APP: variants seen among roughly 807,000 people sequenced by gnomAD.
The protein encoded by APP is amyloid-beta precursor protein.
A neutral mutation model predicts 101.4 loss-of-function variants in APP; 31 were observed. That is an observed-to-expected ratio of 0.31 (90% CI 0.23 to 0.41). The LOEUF (loss-of-function observed/expected upper bound fraction) is 0.41, where lower values mean the gene tolerates loss of function less well. Among genes scored for constraint, APP ranks in the 10% least tolerant of loss-of-function variants. APP has a pLI of 1.00. For synonymous variants in APP, 366 were observed against 364.4 expected (o/e 1.00, Z -0.05); for missense variants, 839 against 1,003.7 (o/e 0.84, Z 2.22).
chr21:26,000,830 C>T (rs1024196427), intron 6 of APP, among the ~76,000 whole-genome samples: 17 of 151,158 alleles, frequency 1.1e-4, no homozygotes, highest in African/African-American at 3.6e-4. Flanking sequence ...TGATTTAAGA[C>T]CATTTTATTT....
intron 8 of APP, among the ~76,000 whole-genome samples, chr21:25,985,617 T>C (rs915186890): frequency 1.3e-5 from 2 of 152,116 alleles, no homozygotes; most frequent in African/African-American, 4.8e-5. Context: ...CAACAGATTG[T>C]GGGACTTAGC....
intron 13 of APP, among the ~76,000 whole-genome samples, chr21:25,949,759 A>AGGTG (rs2040982947): frequency 6.6e-6 from 1 of 152,168 alleles, no homozygotes; most frequent in African/African-American, 2.4e-5. Flanking sequence ...ATGGTATTGG[A>AGGTG]GGTGGATACC....
chr21:25,971,005 G>A (rs535942962), intron 11 of APP, among the ~76,000 whole-genome samples: 4 of 152,114 alleles, frequency 2.6e-5, no homozygotes, highest in South Asian at 2.1e-4. Flanking sequence ...TTACCCTCCT[G>A]CCTGAACCAC....
chr21:26,169,779 TCAGA>T (rs1041589600), intron 1 of APP, among the ~76,000 whole-genome samples: 1 of 152,212 alleles, frequency 6.6e-6, no homozygotes, highest in African/African-American at 2.4e-5. Flanking sequence ...CTTCTGCCTC[TCAGA>T]CAGAGCTTAG....
intron 13 of APP, among the ~76,000 whole-genome samples, chr21:25,945,335 T>C (rs2040761533): frequency 6.7e-6 from 1 of 150,094 alleles, no homozygotes; most frequent in East Asian, 1.9e-4. Flanking sequence ...TAACATTATA[T>C]ATAAATATTC....
chr21:26,103,808 T>A (rs796198990), intron 2 of APP, among the ~76,000 whole-genome samples: 4 of 152,324 alleles, frequency 2.6e-5, no homozygotes, highest in African/African-American at 9.6e-5. Flanking sequence ...CAGAGCTAAG[T>A]GTTGGATAAA....
chr21:26,010,241 A>G (rs2043733727), intron 6 of APP, among the ~76,000 whole-genome samples: 1 of 151,928 alleles, frequency 6.6e-6, no homozygotes. Flanking sequence ...AAACAAAACT[A>G]GGAAAGCAGT....
intron 13 of APP, among the ~76,000 whole-genome samples, chr21:25,936,048 CTAAA>C (rs1000522419): frequency 9.2e-5 from 14 of 151,994 alleles, no homozygotes; most frequent in African/African-American, 3.4e-4. Flanking sequence ...AAGCTGTGCA[CTAAA>C]TAGACAGTAG....
At chr21:26,061,740 GA>G (rs1228567552) in intron 3 of APP, among the ~76,000 whole-genome samples, 10 of 152,196 alleles carry the variant, frequency 6.6e-5, no homozygotes, top group Non-Finnish European at 1.5e-4. Context: ...TGACAGATGG[GA>G]TTCTTCAGAT....
rs187668555 is a variant in APP at position 25,980,698 on chromosome 21, A to C, written c.1224+1646T>G. ...AAAAAACAAAACAAACAAACAAAAA[A>C]CAGTACCTGTGTTGTACCTTTCTAG... is the stretch of plus-strand genomic sequence containing the variant. On this transcript the variant is annotated intron_variant, in intron 9 of 17. Coordinates refer to ENST00000346798, the MANE Select transcript of APP (RefSeq NM_000484.4). 4.3e-3 allele frequency among the ~76,000 whole-genome samples: 656 copies of C among 152,192 alleles called. 6 individuals carry two copies. The highest frequency in any genetic ancestry group is 0.015 in the African/African-American group (631 of 41,494).
intron 13 of APP, among the ~76,000 whole-genome samples, chr21:25,929,266 T>C (rs991791260): frequency 6.6e-6 from 1 of 152,184 alleles, no homozygotes; most frequent in African/African-American, 2.4e-5. Context: ...GAGTCTTCTT[T>C]TATTAATAAA....
chr21:25,901,413 A>G (rs994149110), intron 15 of APP, among the ~76,000 whole-genome samples: 8 of 151,588 alleles, frequency 5.3e-5, no homozygotes, highest in African/African-American at 1.9e-4. Context: ...AAAAAAATTC[A>G]TATTATCAAG....
At chr21:25,977,990 G>C (rs771697801) in intron 9 of APP, among the ~76,000 whole-genome samples, 6 of 152,210 alleles carry the variant, frequency 3.9e-5, no homozygotes, top group Non-Finnish European at 8.8e-5. Flanking sequence ...ATTAGTTTGA[G>C]ATAGAAGTTC....
At chr21:26,119,865 T>A (rs1219793683) in intron 1 of APP, among the ~76,000 whole-genome samples, 1 of 152,200 alleles carries the variant, frequency 6.6e-6, no homozygotes, top group Non-Finnish European at 1.5e-5. Flanking sequence ...TGGCATTCAC[T>A]GAAATAAATT....
At chr21:26,082,298 A>G (rs1320288496) in intron 3 of APP, among the ~76,000 whole-genome samples, 1 of 152,164 alleles carries the variant, frequency 6.6e-6, no homozygotes, top group East Asian at 1.9e-4. Context: ...ATGTTGCTTT[A>G]TTTTCCTTTG....
intron 5 of APP, among the ~76,000 whole-genome samples, chr21:26,029,025 G>T (rs113174522): frequency 6.6e-6 from 1 of 152,152 alleles, no homozygotes; most frequent in Non-Finnish European, 1.5e-5. Context: ...TGCATGGATG[G>T]CTGAGGCAGG....
chr21:26,018,587 G>T (rs1050637258), intron 6 of APP, among the ~76,000 whole-genome samples: 1 of 152,068 alleles, frequency 6.6e-6, no homozygotes, highest in Non-Finnish European at 1.5e-5. Flanking sequence ...AAATTATCTC[G>T]CATGGGCACA....
intron 3 of APP, among the ~76,000 whole-genome samples, chr21:26,060,109 C>T (rs1270924406): frequency 1.3e-5 from 2 of 152,122 alleles, no homozygotes; most frequent in Non-Finnish European, 2.9e-5. Context: ...ACAGTAGTTT[C>T]TCATAATAAT....
intron 11 of APP, among the ~76,000 whole-genome samples, chr21:25,966,243 T>G (rs2146533489): frequency 6.6e-6 from 1 of 152,330 alleles, no homozygotes; most frequent in South Asian, 2.1e-4. Flanking sequence ...CAGCATAGTT[T>G]ATAAGATTTT....
Sources: allele counts gnomAD v4.1 joint callset (sites outside exome capture counted in the v4.1 genomes callset), GRCh38; gene constraint gnomAD v4.1.1; transcripts MANE v1.5; gene names NCBI Gene and HGNC (gene_info 2026-07-23, HGNC 2026-07-21).